Variants in TUSC3 observed in about 807,000 individuals in gnomAD.
TUSC3 encodes the protein tumor suppressor candidate 3, also known as dolichyl-diphosphooligosaccharide--protein glycosyltransferase subunit TUSC3.
In TUSC3, 45 loss-of-function variants were observed where a neutral mutation model predicts 44.8. The ratio of observed to expected loss-of-function variants is 1.00; its 90% CI spans 0.79 to 1.29. The LOEUF is 1.29. Ranked by LOEUF, TUSC3 falls within the 50% of genes most tolerant of loss-of-function variation. The probability of loss-of-function intolerance (pLI) is 0.00; values close to 1 mark genes in which losing one functional copy is unlikely to be tolerated. For missense variants in TUSC3, 519 were observed against 437.9 expected (o/e 1.19, Z -1.65); for synonymous variants, 212 against 152.9 (o/e 1.39, Z -2.85).
At chr8:15,783,085 AAG>A in the TUSC3 span, among the ~76,000 whole-genome samples, 1 of 152,318 alleles carries the variant, frequency 6.6e-6, no homozygotes, top group East Asian at 1.9e-4. Context: ...GAAAAAGATT[AAG>A]AGAACAATTC....
chr8:15,437,976 C>G (rs756222701), intron 1 of TUSC3, among the ~76,000 whole-genome samples: 1 of 152,190 alleles, frequency 6.6e-6, no homozygotes, highest in Non-Finnish European at 1.5e-5. Flanking sequence ...TGGAACTGTA[C>G]AGACATTTGT....
intron 8 of TUSC3, among the ~76,000 whole-genome samples, chr8:15,747,289 T>C (rs1014046464): frequency 6.6e-6 from 1 of 152,094 alleles, no homozygotes; most frequent in African/African-American, 2.4e-5. Context: ...TCTGCTTTAA[T>C]CTTTCTCTAT....
chr8:15,486,129 C>CACAGT (rs1355451955), intron 2 of TUSC3, among the ~76,000 whole-genome samples: 1 of 152,118 alleles, frequency 6.6e-6, no homozygotes, highest in Non-Finnish European at 1.5e-5. Flanking sequence ...ATAACAGATG[C>CACAGT]ACAGTGACCA....
chr8:15,698,851 A>C (rs1282748665), intron 6 of TUSC3, among the ~76,000 whole-genome samples: 1 of 145,176 alleles, frequency 6.9e-6, no homozygotes, highest in Non-Finnish European at 1.5e-5. Flanking sequence ...TCTTTTTTTC[A>C]TTTTTTTTTT....
In TUSC3 at chr8:15,745,501, T is replaced by G. The variant is rs1592680; in HGVS notation, c.937+1889T>G. Among the ~76,000 whole-genome samples, 890 of 152,226 alleles carry G rather than the reference T, an allele frequency of 5.8e-3. 8 individuals are homozygous for G. The highest frequency in any genetic ancestry group is 0.02 in the African/African-American group (827 of 41,544). On this transcript the variant is annotated intron_variant, in intron 8 of 10. Transcript: ENST00000503731. Reference sequence around the variant, plus strand: ...TGACTCTAATCATAGCCATTCTGACTGGAGTGAGATGGTATCTCATTGTGG... The same window carrying G: ...TGACTCTAATCATAGCCATTCTGACGGGAGTGAGATGGTATCTCATTGTGG...
intron 2 of TUSC3, among the ~76,000 whole-genome samples, chr8:15,633,562 G>A (rs375350818): frequency 2.0e-5 from 3 of 152,128 alleles, no homozygotes; most frequent in African/African-American, 7.2e-5. Flanking sequence ...CAATATGACC[G>A]ATGCCATATC....
At chr8:15,573,688 C>G (rs1291369715) in intron 1 of TUSC3, among the ~76,000 whole-genome samples, 1 of 151,916 alleles carries the variant, frequency 6.6e-6, no homozygotes, top group African/African-American at 2.4e-5. Context: ...CTAATTTTGC[C>G]CTGCAGGAGA....
intron 6 of TUSC3, chr8:15,689,278 A>G (rs1808784039): frequency 1.7e-5 from 6 of 349,326 alleles, no homozygotes; most frequent in East Asian, 8.5e-5. Flanking sequence ...AAATAGCTGC[A>G]TAATTGTCTC....
chr8:15,666,766 C>T (rs1398879369), intron 5 of TUSC3, among the ~76,000 whole-genome samples: 3 of 150,596 alleles, frequency 2.0e-5, no homozygotes, highest in Non-Finnish European at 3.0e-5. Context: ...TTTGGATGGC[C>T]CCAGACAGTT....
At chr8:15,823,933 A>G in the TUSC3 span, among the ~76,000 whole-genome samples, 1 of 152,232 alleles carries the variant, frequency 6.6e-6, no homozygotes, top group African/African-American at 2.4e-5. Context: ...GAAATGGAAT[A>G]TGATGCCTTT....
chr8:15,513,020 A>G (rs2129128391), intron 2 of TUSC3, among the ~76,000 whole-genome samples: 1 of 146,646 alleles, frequency 6.8e-6, no homozygotes, highest in Non-Finnish European at 1.5e-5. Flanking sequence ...CCCAGATTGC[A>G]TGCTGCACGT....
intron 3 of TUSC3, among the ~76,000 whole-genome samples, chr8:15,651,610 C>A (rs1040671231): frequency 3.9e-5 from 6 of 152,264 alleles, no homozygotes; most frequent in East Asian, 1.9e-4. Context: ...TAGAACACAG[C>A]GAGAAGATGG....
chr8:15,708,292 T>C (rs1051111824), intron 6 of TUSC3, among the ~76,000 whole-genome samples: 2 of 151,830 alleles, frequency 1.3e-5, no homozygotes, highest in Non-Finnish European at 2.9e-5. Flanking sequence ...ACTGAGAAAG[T>C]TGATTGGGAA....
chr8:15,523,656 ATATATATATGTGTGTGTGTGTG>A (rs1339936910), intron 2 of TUSC3, among the ~76,000 whole-genome samples: 3,620 of 93,426 alleles, frequency 0.039, 172 homozygotes, highest in East Asian at 0.1. Context: ...ATATATATAT[ATATATATATGTGTGTGTGTGTG>A]TGTGTGTGTG....
intron 1 of TUSC3, among the ~76,000 whole-genome samples, chr8:15,438,370 A>C (rs907661129): frequency 6.6e-6 from 1 of 152,218 alleles, no homozygotes; most frequent in African/African-American, 2.4e-5. Flanking sequence ...TGCTGGGATT[A>C]CAGGCGTGAG....
chr8:15,504,649 GT>G (rs11434967), intron 2 of TUSC3, among the ~76,000 whole-genome samples: 41 of 68,564 alleles, frequency 6.0e-4, no homozygotes, highest in African/African-American at 2.1e-3. Flanking sequence ...TTTTAAGTGG[GT>G]TTTTTTTTGT....
chr8:15,835,703 G>A, the TUSC3 span, among the ~76,000 whole-genome samples: 2 of 152,144 alleles, frequency 1.3e-5, no homozygotes, highest in Non-Finnish European at 2.9e-5. Flanking sequence ...AGCTAGGAGA[G>A]AAGATACAGT....
intron 1 of TUSC3, among the ~76,000 whole-genome samples, chr8:15,609,014 T>C (rs1804650470): frequency 6.6e-6 from 1 of 152,220 alleles, no homozygotes; most frequent in African/African-American, 2.4e-5. Flanking sequence ...TTGGAAATTT[T>C]TTAAAGTACA....
chr8:15,457,254 C>G (rs1362259473), intron 1 of TUSC3, among the ~76,000 whole-genome samples: 2 of 151,548 alleles, frequency 1.3e-5, no homozygotes, highest in Non-Finnish European at 2.9e-5. Flanking sequence ...CAACATGGCA[C>G]GTGTATACAT....
Sources: allele counts gnomAD v4.1 joint callset (sites outside exome capture counted in the v4.1 genomes callset), GRCh38; gene constraint gnomAD v4.1.1; transcripts MANE v1.5; gene names NCBI Gene and HGNC (gene_info 2026-07-23, HGNC 2026-07-21).